Variants in ADAMTS17 observed in about 807,000 individuals in gnomAD.
The protein encoded by ADAMTS17 is ADAM metallopeptidase with thrombospondin type 1 motif 17.
In ADAMTS17, 113 loss-of-function variants were observed where a neutral mutation model predicts 141.5. The observed-to-expected ratio is 0.80, with a 90% CI of 0.69 to 0.93. The LOEUF (loss-of-function observed/expected upper bound fraction) is 0.93. ADAMTS17 is among the 40% of genes least tolerant of loss of function. The pLI, the probability that ADAMTS17 is intolerant of heterozygous loss-of-function variation, is 0.00. For synonymous variants in ADAMTS17, 768 were observed against 630.6 expected (o/e 1.22, Z -3.27); for missense variants, 1,659 against 1,517.9 (o/e 1.09, Z -1.54).
Position 100,208,300 on chromosome 15 carries a change from C to G in ADAMTS17, c.1076-8877G>C, listed in dbSNP as rs145190478. 1.5e-4 allele frequency among the ~76,000 whole-genome samples: 23 copies of G among 152,366 alleles called. No homozygotes were observed. In the East Asian group the frequency reaches 3.1e-3, roughly 20 times the overall value. On this transcript the variant is annotated intron_variant, in intron 7 of 21. Transcript: ENST00000268070. ...TGCAGCAAGCCAGAAACATGTGCTG[C>G]TTGTTCTTTTTACCTTGACTCATTC...
At chr15:100,336,582 C>T (rs2046214174) in intron 2 of ADAMTS17, among the ~76,000 whole-genome samples, 1 of 152,290 alleles carries the variant, frequency 6.6e-6, no homozygotes, top group Admixed American at 6.5e-5. Flanking sequence ...AATAAGTAAT[C>T]ACTTAGGACT....
chr15:100,252,634 T>C (rs1190793182), intron 7 of ADAMTS17, among the ~76,000 whole-genome samples: 1 of 152,098 alleles, frequency 6.6e-6, no homozygotes, highest in African/African-American at 2.4e-5. Context: ...CCGGTACAAG[T>C]ATCCATGGCC....
At chr15:100,089,630 C>T (rs1468243877) in intron 15 of ADAMTS17, among the ~76,000 whole-genome samples, 1 of 151,946 alleles carries the variant, frequency 6.6e-6, no homozygotes, top group East Asian at 2.0e-4. Flanking sequence ...GGCACATATA[C>T]ACCATGGAAT....
At chr15:100,060,310 C>G (rs1596321633) in intron 15 of ADAMTS17, among the ~76,000 whole-genome samples, 1 of 152,228 alleles carries the variant, frequency 6.6e-6, no homozygotes, top group African/African-American at 2.4e-5. Flanking sequence ...GGTACACTTT[C>G]CTTTGCCACC....
chr15:100,187,543 T>C lies in ADAMTS17; in HGVS notation c.1181+11775A>G, dbSNP rs142233930. 4.6e-5 allele frequency among the ~76,000 whole-genome samples: 7 copies of C among 152,308 alleles called. No individual in the cohort carries two copies. The East Asian group carries it at 7.7e-4, about 17-fold the overall frequency. ...GAAGTGATCTGGTTCCTGGACTTTATGGTTTACTCTGAACCCCCAGATTCC... is the reference window on the plus strand; with the variant it reads ...GAAGTGATCTGGTTCCTGGACTTTACGGTTTACTCTGAACCCCCAGATTCC... On this transcript the variant is annotated intron_variant, in intron 8 of 21. Transcript: ENST00000268070.
intron 7 of ADAMTS17, among the ~76,000 whole-genome samples, chr15:100,206,984 A>G (rs2041595428): frequency 1.3e-5 from 2 of 152,204 alleles, no homozygotes; most frequent in Admixed American, 6.5e-5. Context: ...AGGGGCTGGT[A>G]AGAGCAAATA....
intron 7 of ADAMTS17, among the ~76,000 whole-genome samples, chr15:100,236,974 C>T (rs1414642728): frequency 6.6e-6 from 1 of 152,182 alleles, no homozygotes; most frequent in East Asian, 1.9e-4. Context: ...CAATTCTCCT[C>T]TCATCTCTGC....
At chr15:100,281,513 C>A in intron 3 of ADAMTS17, 112 bp from the exon 4 acceptor site, 1 of 1,367,104 alleles carries the variant, frequency 7.3e-7, no homozygotes, top group Non-Finnish European at 1.0e-6. Context: ...TCTCGACAGG[C>A]CTAGAGGGGC....
intron 18 of ADAMTS17, among the ~76,000 whole-genome samples, chr15:100,011,590 T>C (rs2061183814): frequency 1.3e-5 from 2 of 152,156 alleles, no homozygotes; most frequent in South Asian, 4.1e-4. Context: ...GCTTCCTATG[T>C]GCCAGGCAAT....
At chr15:100,313,781 G>A (rs1435185139) in intron 3 of ADAMTS17, among the ~76,000 whole-genome samples, 1 of 148,460 alleles carries the variant, frequency 6.7e-6, no homozygotes. Flanking sequence ...ATGAAGAAAC[G>A]TCAGACAAAA....
At chr15:100,196,784 C>T (rs1452816956) in intron 8 of ADAMTS17, among the ~76,000 whole-genome samples, 2 of 152,194 alleles carry the variant, frequency 1.3e-5, no homozygotes, top group Admixed American at 6.5e-5. Context: ...CCCATATAGC[C>T]TGCAACCACA....
Position 100,302,324 on chromosome 15 carries a change from G to A in ADAMTS17, c.617-20923C>T, listed in dbSNP as rs564930472. Reference sequence around the variant, plus strand: ...TTAATTCGCAAATTGACAGTCATTTGAGTTGTTTCCACTTTGAAGCTATTA... The same window carrying A: ...TTAATTCGCAAATTGACAGTCATTTAAGTTGTTTCCACTTTGAAGCTATTA... On this transcript the variant is annotated intron_variant, in intron 3 of 21. Transcript: ENST00000268070. 1.1e-3 allele frequency among the ~76,000 whole-genome samples: 166 copies of A among 152,282 alleles called. 4 individuals carry two copies. The South Asian group carries it at 0.034, about 31-fold the overall frequency.
In ADAMTS17 at chr15:99,973,027, T is replaced by C. The variant is rs989491907; in HGVS notation, c.*1375A>G. ...AAGCACCCATGAAATGCCCACCAAG[T>C]TGGTGAGCAAAACAGGCCTCCTGGC... On this transcript the variant is annotated 3_prime_UTR_variant, in exon 22 of 22. Coordinates refer to ENST00000268070, the MANE Select transcript of ADAMTS17 (RefSeq NM_139057.4). 6.6e-6 allele frequency: 1 copy of C among 151,984 alleles called. No individual in the cohort carries two copies. The highest frequency in any genetic ancestry group is 2.4e-5 in the African/African-American group (1 of 41,348). The allele number at this position is 151,984 out of a possible 1,614,324, so 9.4% of individuals were successfully genotyped here. A position where few individuals can be genotyped will look rare whatever the true frequency, so the allele number is the denominator to read the frequency against.
chr15:100,150,099 C>T (rs1596564326), intron 10 of ADAMTS17, among the ~76,000 whole-genome samples: 1 of 152,140 alleles, frequency 6.6e-6, no homozygotes, highest in South Asian at 2.1e-4. Context: ...AACAGGAAAA[C>T]ATATTTTGCA....
chr15:100,008,479 C>T (rs1398717932), intron 18 of ADAMTS17, among the ~76,000 whole-genome samples: 1 of 152,168 alleles, frequency 6.6e-6, no homozygotes, highest in African/African-American at 2.4e-5. Context: ...AGGCAATATC[C>T]AAGATGGGGC....
At position 100,109,033 on chromosome 15, in the gene ADAMTS17, A is replaced by G; in HGVS notation, c.1972T>C (p.Cys658Arg). Residue 658 changes from cysteine (C) to arginine (R), a missense_variant, in exon 14 of 22, where the codon TGC (cysteine) becomes CGC (arginine). By Grantham distance (180) the Cys-to-Arg change is radical. Coordinates refer to ENST00000268070, the MANE Select transcript of ADAMTS17 (RefSeq NM_139057.4). Reference sequence around the variant, plus strand: ...CAGAGATCAGTCTCGTAGGGCCCGCAGGGTGTACCGTCCAGGACCCTGTCG... The same window carrying G: ...CAGAGATCAGTCTCGTAGGGCCCGCGGGGTGTACCGTCCAGGACCCTGTCG... ...VADRVLDGTP[C>R]GPYETDLCVH... is the part of the protein sequence containing the mutation. 5 of 1,614,120 alleles carry G rather than the reference A, an allele frequency of 3.1e-6. No homozygotes were observed. The highest frequency in any genetic ancestry group is 4.2e-6 in the Non-Finnish European group (5 of 1,180,036).
intron 10 of ADAMTS17, among the ~76,000 whole-genome samples, chr15:100,148,158 CCTTTCACCATATAAAGTAACATT>C (rs2038996923): frequency 6.6e-6 from 1 of 152,256 alleles, no homozygotes; most frequent in Non-Finnish European, 1.5e-5. Flanking sequence ...CTGGCAAAGT[CCTTTCACCATATAAAGTAACATT>C]CATAGGTGCT....
At chr15:100,024,161 C>A (rs1448411416) in intron 18 of ADAMTS17, among the ~76,000 whole-genome samples, 1 of 152,148 alleles carries the variant, frequency 6.6e-6, no homozygotes, top group Non-Finnish European at 1.5e-5. Flanking sequence ...TGGTACAATT[C>A]AGCTCAGTAC....
intron 3 of ADAMTS17, among the ~76,000 whole-genome samples, chr15:100,288,250 CAAT>C (rs2044511949): frequency 6.6e-6 from 1 of 152,074 alleles, no homozygotes. Flanking sequence ...TTTAAGCCAA[CAAT>C]AATTTTTTAA....
Sources: gnomAD v4.1 joint callset for allele counts (sites outside exome capture counted in the v4.1 genomes callset) on GRCh38, gnomAD v4.1.1 for gene constraint, MANE v1.5 for transcripts, NCBI Gene and HGNC (gene_info 2026-07-23, HGNC 2026-07-21) for gene names.